BTBD8: variants seen among roughly 807,000 people sequenced by gnomAD.
BTBD8 encodes the protein BTB/POZ domain-containing protein 8.
Under a neutral mutation model 162.9 loss-of-function variants are expected in BTBD8, and 110 were observed. The observed-to-expected ratio is 0.68, with a 90% CI of 0.58 to 0.79. The LOEUF is 0.79. BTBD8 is among the 30% of genes least tolerant of loss of function. BTBD8 has a pLI of 0.00. For missense variants in BTBD8, 1,905 were observed against 2,085.4 expected (o/e 0.91, Z 1.68); for synonymous variants, 667 against 716.1 (o/e 0.93, Z 1.10).
chr1:92,138,205 C>G (rs1279074319), intron 5 of BTBD8, among the ~76,000 whole-genome samples: 1 of 152,154 alleles, frequency 6.6e-6, no homozygotes, highest in African/African-American at 2.4e-5. Context: ...TTTTGCCCCC[C>G]ACAACTTGAC....
At chr1:92,088,598 A>G (rs1487058266) in intron 1 of BTBD8, 100 bp from the exon 2 acceptor site, 5 of 934,540 alleles carry the variant, frequency 5.4e-6, no homozygotes, top group Non-Finnish European at 7.5e-6. Context: ...TTGCCTCTGT[A>G]TTTTTTAGCT....
intron 9 of BTBD8, among the ~76,000 whole-genome samples, chr1:92,164,985 G>A (rs532638396): frequency 4.0e-5 from 6 of 151,882 alleles, no homozygotes; most frequent in East Asian, 2.0e-4. Context: ...GCTGGGTGTG[G>A]TAGCATGCAC....
intron 2 of BTBD8, among the ~76,000 whole-genome samples, chr1:92,100,690 A>G (rs2101901634): frequency 6.6e-6 from 1 of 152,050 alleles, no homozygotes; most frequent in South Asian, 2.1e-4. Flanking sequence ...GCTCACTGCA[A>G]GCTCTGCCTC....
intron 2 of BTBD8, 104 bp downstream of exon 2, chr1:92,088,999 G>GA (rs1254158184): frequency 2.7e-5 from 30 of 1,113,888 alleles, no homozygotes; most frequent in Middle Eastern, 6.2e-4. Flanking sequence ...AACCTGATAA[G>GA]AAAAATCCAT....
intron 2 of BTBD8, among the ~76,000 whole-genome samples, chr1:92,100,448 G>GT (rs1172790633): frequency 1.3e-5 from 2 of 151,778 alleles, no homozygotes; most frequent in African/African-American, 4.8e-5. Context: ...ATCTGGTTCT[G>GT]TTTTTTTCTT....
chr1:92,090,230 C>G (rs899099419), intron 2 of BTBD8, among the ~76,000 whole-genome samples: 2 of 152,164 alleles, frequency 1.3e-5, no homozygotes, highest in Non-Finnish European at 2.9e-5. Context: ...GTTTTCCAAA[C>G]TGGCTATAAT....
chr1:92,135,111 G>A (rs1042910955), intron 5 of BTBD8, among the ~76,000 whole-genome samples: 2 of 151,476 alleles, frequency 1.3e-5, no homozygotes, highest in African/African-American at 2.4e-5. Context: ...GGCTGGTCTC[G>A]ACCTCCTGAC....
intron 4 of BTBD8, among the ~76,000 whole-genome samples, chr1:92,120,000 A>G (rs915288472): frequency 2.1e-5 from 3 of 144,362 alleles, no homozygotes; most frequent in African/African-American, 7.8e-5. Flanking sequence ...TCCTGGGTTC[A>G]AGCAATTCGC....
chr1:92,147,051 A>G (rs1649941954), intron 7 of BTBD8, 129 bp from the exon 8 acceptor site: 1 of 533,890 alleles, frequency 1.9e-6, no homozygotes, highest in Non-Finnish European at 3.1e-6. Context: ...TAAATTTTGA[A>G]TTTATCAAAT....
intron 1 of BTBD8, among the ~76,000 whole-genome samples, chr1:92,085,219 A>G (rs1648126749): frequency 6.6e-6 from 1 of 152,194 alleles, no homozygotes; most frequent in Non-Finnish European, 1.5e-5. Flanking sequence ...TTTAGTGCTG[A>G]GTTTTATCGG....
chr1:92,131,340 T>G (rs1649509997), intron 5 of BTBD8, among the ~76,000 whole-genome samples: 1 of 152,230 alleles, frequency 6.6e-6, no homozygotes, highest in Non-Finnish European at 1.5e-5. Flanking sequence ...AGCAAAGATA[T>G]GTAACAACAA....
At chr1:92,155,080 T>C (rs527909910) in intron 9 of BTBD8, among the ~76,000 whole-genome samples, 34 of 152,340 alleles carry the variant, frequency 2.2e-4, no homozygotes, top group African/African-American at 7.2e-4. Flanking sequence ...TATGTGGATG[T>C]ATTTCTGGGC....
At position 92,182,394 on chromosome 1, in the gene BTBD8, A is replaced by G; in HGVS notation, c.4711A>G (p.Lys1571Glu). 6.5e-7 allele frequency: 1 copy of G among 1,549,756 alleles called. No individual in the cohort carries two copies. The highest frequency in any genetic ancestry group is 8.7e-7 in the Non-Finnish European group (1 of 1,146,490). ...GGAAAATGACATTCAGCAACGCAGC[A>G]AATTCTTGGATAGTGATGTAAAATC... ...NVENDIQQRSKFLDSDVKSQE... is the reference protein window; with the variant it reads ...NVENDIQQRSEFLDSDVKSQE... The change falls in exon 17 of 18, where the codon AAA (lysine) becomes GAA (glutamate). Residue 1571 changes from lysine to glutamate, a missense_variant. Physicochemically the swap from Lys to Glu is moderately conservative, Grantham distance 56. Transcript: ENST00000636805.
intron 4 of BTBD8, among the ~76,000 whole-genome samples, chr1:92,118,253 C>A (rs1257822673): frequency 6.7e-6 from 1 of 148,620 alleles, no homozygotes; most frequent in African/African-American, 2.5e-5. Context: ...CCTTAGGCTC[C>A]TCTTGGCTGT....
chr1:92,155,183 G>C (rs561076281), intron 9 of BTBD8, among the ~76,000 whole-genome samples: 304 of 152,244 alleles, frequency 2.0e-3, no homozygotes, highest in African/African-American at 7.0e-3. Flanking sequence ...TTTGAAATCA[G>C]AAAATCAAAG....
At chr1:92,100,132 T>C (rs985934430) in intron 2 of BTBD8, among the ~76,000 whole-genome samples, 2 of 152,244 alleles carry the variant, frequency 1.3e-5, no homozygotes, top group African/African-American at 2.4e-5. Context: ...TTGTGTACTT[T>C]ATTTTACTGA....
chr1:92,165,018 G>A (rs906830733), intron 9 of BTBD8, among the ~76,000 whole-genome samples: 1 of 151,560 alleles, frequency 6.6e-6, no homozygotes, highest in African/African-American at 2.4e-5. Context: ...CTACTTGAAA[G>A]GCTGAAGCAG....
At chr1:92,138,824 G>A (rs1649698321) in intron 5 of BTBD8, among the ~76,000 whole-genome samples, 1 of 152,160 alleles carries the variant, frequency 6.6e-6, no homozygotes, top group Admixed American at 6.5e-5. Context: ...GCACTCAATT[G>A]GATATAAAGG....
intron 2 of BTBD8, among the ~76,000 whole-genome samples, chr1:92,099,873 A>G (rs1349508036): frequency 6.6e-6 from 1 of 152,146 alleles, no homozygotes; most frequent in Non-Finnish European, 1.5e-5. Flanking sequence ...TTTCTTGCCT[A>G]ATTGCCCTGG....
Sources: gnomAD v4.1 joint callset for allele counts (sites outside exome capture counted in the v4.1 genomes callset) on GRCh38, gnomAD v4.1.1 for gene constraint, MANE v1.5 for transcripts, NCBI Gene and HGNC (gene_info 2026-07-23, HGNC 2026-07-21) for gene names.